The following EPHA6 variants were observed in gnomAD, a reference collection of about 807,000 sequenced individuals.
The protein encoded by EPHA6 is ephrin type-A receptor 6.
EPHA6 carries 50 observed loss-of-function variants against 112.0 expected under a neutral mutation model. The observed-to-expected ratio is 0.45, with a 90% CI of 0.36 to 0.56. EPHA6 has a LOEUF of 0.56. EPHA6 is among the 20% of genes least tolerant of loss of function. The pLI, the probability that EPHA6 is intolerant of heterozygous loss-of-function variation, is 0.00. For synonymous variants in EPHA6, 529 were observed against 490.7 expected (o/e 1.08, Z -1.03); for missense variants, 1,280 against 1,417.4 (o/e 0.90, Z 1.56).
intron 3 of EPHA6, among the ~76,000 whole-genome samples, chr3:97,087,433 T>G (rs535519423): frequency 1.3e-5 from 2 of 152,214 alleles, no homozygotes; most frequent in South Asian, 4.1e-4. Flanking sequence ...GAACCTTCCT[T>G]GAACTGAAAG....
intron 5 of EPHA6, among the ~76,000 whole-genome samples, chr3:97,399,443 A>C (rs2086863941): frequency 1.3e-5 from 2 of 151,358 alleles, no homozygotes; most frequent in African/African-American, 2.4e-5. Context: ...TTTCCTCTCG[A>C]TATATACCCA....
chr3:97,528,409 C>T (rs1462052505), intron 10 of EPHA6, among the ~76,000 whole-genome samples: 2 of 151,998 alleles, frequency 1.3e-5, no homozygotes, highest in African/African-American at 2.4e-5. Context: ...GCCTTTATCA[C>T]TAATAAGGAG....
intron 2 of EPHA6, among the ~76,000 whole-genome samples, chr3:96,964,833 G>A (rs1377840001): frequency 1.3e-5 from 2 of 152,126 alleles, no homozygotes; most frequent in African/African-American, 4.8e-5. Context: ...ATTACTCTCT[G>A]TAATGGCTGC....
chr3:97,376,718 ACATT>A (rs2085384121), intron 5 of EPHA6, among the ~76,000 whole-genome samples: 1 of 152,194 alleles, frequency 6.6e-6, no homozygotes, highest in South Asian at 2.1e-4. Context: ...ATTATTTTCT[ACATT>A]CATTGAGGGA....
In EPHA6 at chr3:97,756,455, T is replaced by C. The variant is rs1416232896; in HGVS notation, c.*7754T>C. On this transcript the variant is annotated 3_prime_UTR_variant, in exon 18 of 18. Transcript: ENST00000389672. ...AGACAATGCTGAATATCATACATAG[T>C]TAATAAACAATGATTGGAGCTTTTC... 6.6e-6 allele frequency among the ~76,000 whole-genome samples: 1 copy of C among 151,940 alleles called. No homozygotes were observed. Among genetic ancestry groups the C allele is most frequent in the Non-Finnish European group, 1.5e-5 (1 of 67,800 alleles).
rs146029851 is a variant in EPHA6, at chr3:97,494,971, C to T, written c.2200+10912C>T. ...GGAGATCTAGAGTTTTTCTCTAAGT[C>T]TTTTCCAGAATTGAACCCAATACTC... On this transcript the variant is annotated intron_variant, in intron 10 of 17. Transcript: ENST00000389672. 6.6e-3 allele frequency among the ~76,000 whole-genome samples: 1,008 copies of T among 152,250 alleles called. 11 individuals are homozygous for T. Among genetic ancestry groups the T allele is most frequent in the African/African-American group, 0.022 (925 of 41,522 alleles).
intron 3 of EPHA6, among the ~76,000 whole-genome samples, chr3:97,136,850 AT>A (rs2075782055): frequency 6.6e-6 from 1 of 152,192 alleles, no homozygotes; most frequent in African/African-American, 2.4e-5. Context: ...AAAAATATAA[AT>A]TTTAACACCA....
chr3:96,867,051 G>A (rs1389895827), intron 2 of EPHA6, among the ~76,000 whole-genome samples, 162 bp downstream of exon 2: 1 of 151,624 alleles, frequency 6.6e-6, no homozygotes, highest in African/African-American at 2.4e-5. Context: ...GTAATCAGTG[G>A]GAATGATATG....
At chr3:97,330,731 C>T (rs2082752248) in intron 5 of EPHA6, among the ~76,000 whole-genome samples, 1 of 152,032 alleles carries the variant, frequency 6.6e-6, no homozygotes, top group Admixed American at 6.6e-5. Flanking sequence ...TACAGGAGCA[C>T]CCAGATTCAT....
intron 5 of EPHA6, among the ~76,000 whole-genome samples, chr3:97,306,304 T>TC: frequency 6.6e-6 from 1 of 151,570 alleles, no homozygotes; most frequent in East Asian, 1.9e-4. Flanking sequence ...TTTTTTTTTT[T>TC]TTTTTTTTTA....
At chr3:96,975,695 C>T (rs1183385747) in intron 2 of EPHA6, among the ~76,000 whole-genome samples, 1 of 152,106 alleles carries the variant, frequency 6.6e-6, no homozygotes, top group Non-Finnish European at 1.5e-5. Flanking sequence ...TCTCATTGAG[C>T]AGGACACTTA....
chr3:96,876,465 G>A (rs1396532892), intron 2 of EPHA6, among the ~76,000 whole-genome samples: 1 of 149,734 alleles, frequency 6.7e-6, no homozygotes, highest in Non-Finnish European at 1.5e-5. Context: ...TCTTTCTCCA[G>A]CCCCTTCTTC....
chr3:97,362,536 G>A (rs1339449871), intron 5 of EPHA6, among the ~76,000 whole-genome samples: 1 of 151,932 alleles, frequency 6.6e-6, no homozygotes, highest in East Asian at 1.9e-4. Context: ...AATGTTATAT[G>A]TATATGTTTA....
At chr3:96,973,255 A>G (rs1233554349) in intron 2 of EPHA6, among the ~76,000 whole-genome samples, 4 of 152,270 alleles carry the variant, frequency 2.6e-5, no homozygotes, top group African/African-American at 9.6e-5. Context: ...ACTTCTAACA[A>G]ATATTCACTT....
intron 5 of EPHA6, among the ~76,000 whole-genome samples, chr3:97,358,067 C>G (rs771854474): frequency 6.6e-6 from 1 of 152,080 alleles, no homozygotes; most frequent in Admixed American, 6.6e-5. Flanking sequence ...GAGTGAACCT[C>G]AACAGTTCAA....
chr3:97,279,501 A>T (rs557250278), intron 5 of EPHA6, among the ~76,000 whole-genome samples: 15 of 142,596 alleles, frequency 1.1e-4, no homozygotes, highest in Admixed American at 4.9e-4. Context: ...AAATCTATTT[A>T]AAAAAAAAAA....
intron 5 of EPHA6, among the ~76,000 whole-genome samples, chr3:97,261,564 G>A (rs2079504437): frequency 6.6e-6 from 1 of 151,950 alleles, no homozygotes; most frequent in South Asian, 2.1e-4. Flanking sequence ...TTACATTCCT[G>A]GCTCCTATTG....
chr3:97,156,358 T>A (rs921541925), intron 3 of EPHA6, among the ~76,000 whole-genome samples: 18 of 152,154 alleles, frequency 1.2e-4, no homozygotes, highest in Non-Finnish European at 2.2e-4. Flanking sequence ...TAAATATACT[T>A]AACAAAATTT....
chr3:97,603,555 C>T (rs2093658616), intron 12 of EPHA6, among the ~76,000 whole-genome samples: 2 of 151,684 alleles, frequency 1.3e-5, no homozygotes, highest in African/African-American at 2.4e-5. Flanking sequence ...ATCATAGTGA[C>T]TATATAAACT....
Sources: allele counts gnomAD v4.1 joint callset (sites outside exome capture counted in the v4.1 genomes callset), GRCh38; gene constraint gnomAD v4.1.1; transcripts MANE v1.5; gene names NCBI Gene and HGNC (gene_info 2026-07-23, HGNC 2026-07-21).